LPA: variants seen among roughly 807,000 people sequenced by gnomAD.
The protein encoded by LPA is apolipoprotein(a).
In LPA, 199 loss-of-function variants were observed where a neutral mutation model predicts 197.9. The ratio of observed to expected loss-of-function variants is 1.01; its 90% CI spans 0.90 to 1.13. LPA has a LOEUF of 1.13. Ranked by LOEUF, LPA falls within the 50% of genes most tolerant of loss-of-function variation. The probability of loss-of-function intolerance (pLI) is 0.00; values close to 1 mark genes in which losing one functional copy is unlikely to be tolerated. For synonymous variants in LPA, 715 were observed against 639.5 expected, an observed-to-expected ratio of 1.12 and a Z score of -1.78; for missense variants, 1,853 against 1,785.8, an observed-to-expected ratio of 1.04 and a Z score of -0.68.
chr6:160,585,135 G>C lies in LPA; in HGVS notation c.4200C>G (p.Leu1400=), dbSNP rs1411187747. 6.2e-7 allele frequency: 1 copy of C among 1,613,882 alleles called. No individual in the cohort carries two copies. ...ATGTTCTTCCTGTGATAGTGGTGGA[G>C]AGTGTGCCTCGATAACTCTGTCCAT... ...RGDGQSYRGT[L]STTITGRTCQ... The change falls in exon 26 of 39, where the codon CTC becomes CTG. Residue 1400 remains leucine, a synonymous_variant. Transcript: ENST00000316300.
chr6:160,634,663 A>G (rs1407637061), intron 7 of LPA, among the ~76,000 whole-genome samples: 1 of 151,524 alleles, frequency 6.6e-6, no homozygotes, highest in Non-Finnish European at 1.5e-5. Flanking sequence ...ACCCAGGACC[A>G]TATGGAATTA....
intron 16 of LPA, among the ~76,000 whole-genome samples, chr6:160,610,428 T>C (rs770168576): frequency 6.6e-6 from 1 of 152,128 alleles, no homozygotes; most frequent in Non-Finnish European, 1.5e-5. Flanking sequence ...TGGCAATGTG[T>C]TCCGTGAGCA....
chr6:160,589,360 A>G (rs1013849452), intron 24 of LPA, among the ~76,000 whole-genome samples, 193 bp downstream of exon 24: 6 of 152,200 alleles, frequency 3.9e-5, no homozygotes, highest in African/African-American at 1.4e-4. Context: ...TCTATCAACT[A>G]TGAGAAAAGA....
chr6:160,611,071 T>C (rs535253475), intron 16 of LPA, among the ~76,000 whole-genome samples: 2 of 152,090 alleles, frequency 1.3e-5, no homozygotes, highest in Admixed American at 6.5e-5. Flanking sequence ...AGGCCACTGG[T>C]ACTTAGGACC....
At chr6:160,634,436 C>A (rs1057032783) in intron 7 of LPA, among the ~76,000 whole-genome samples, 1 of 122,922 alleles carries the variant, frequency 8.1e-6, no homozygotes. Context: ...AGGATGTGTG[C>A]ACGCCAAAAC....
intron 28 of LPA, among the ~76,000 whole-genome samples, chr6:160,562,341 A>G (rs1489043771): frequency 6.6e-6 from 1 of 152,138 alleles, no homozygotes; most frequent in Non-Finnish European, 1.5e-5. Context: ...GGTTTTTGTC[A>G]TTGGTTCTGT....
chr6:160,580,437 A>G (rs1018669616), intron 26 of LPA, among the ~76,000 whole-genome samples: 1 of 152,196 alleles, frequency 6.6e-6, no homozygotes, highest in African/African-American at 2.4e-5. Flanking sequence ...ATAGAATTAC[A>G]GGTTTGTAGG....
Position 160,600,868 on chromosome 6 carries a change from C to G in LPA, c.3127+49G>C, listed in dbSNP as rs1163054473. On this transcript the variant is annotated intron_variant, in intron 19 of 38. Coordinates refer to ENST00000316300, the MANE Select transcript of LPA (RefSeq NM_005577.4). ...TGTGCGTCAGTGGGGGTATCCATGG[C>G]TTTTCATCCCAGCATCCAAGCAGGT... 2.5e-6 allele frequency: 4 copies of G among 1,599,234 alleles called. No individual in the cohort carries two copies. The Admixed American group carries it at 6.7e-5, about 27-fold the overall frequency.
At chr6:160,658,669 C>T (rs956082234) in intron 1 of LPA, among the ~76,000 whole-genome samples, 1 of 152,108 alleles carries the variant, frequency 6.6e-6, no homozygotes, top group Non-Finnish European at 1.5e-5. Flanking sequence ...CTAAACAATT[C>T]AGGCCAAGTA....
chr6:160,568,527 A>G (rs181877520), intron 28 of LPA, among the ~76,000 whole-genome samples: 1,651 of 152,332 alleles, frequency 0.011, 33 homozygotes, highest in African/African-American at 0.038. Flanking sequence ...CATAGCCAAT[A>G]TCATACTGAA....
intron 36 of LPA, among the ~76,000 whole-genome samples, chr6:160,538,832 C>T (rs185730071): frequency 1.1e-4 from 17 of 152,266 alleles, no homozygotes; most frequent in African/African-American, 4.1e-4. Context: ...CAAAACGTAT[C>T]AGCCTATCAG....
At chr6:160,655,202 A>G (rs558060515) in intron 1 of LPA, among the ~76,000 whole-genome samples, 1 of 152,340 alleles carries the variant, frequency 6.6e-6, no homozygotes, top group South Asian at 2.1e-4. Context: ...ACGTTCAGTT[A>G]CCACCAAAGC....
intron 16 of LPA, among the ~76,000 whole-genome samples, chr6:160,610,105 C>T (rs1779458305): frequency 1.3e-5 from 2 of 152,038 alleles, no homozygotes; most frequent in Admixed American, 6.5e-5. Flanking sequence ...TTATCGATGT[C>T]ATTTCTGAGC....
At chr6:160,545,829 G>C (rs553515220) in intron 32 of LPA, among the ~76,000 whole-genome samples, 16 of 152,242 alleles carry the variant, frequency 1.1e-4, no homozygotes, top group African/African-American at 3.6e-4. Flanking sequence ...CTTAGAGCTA[G>C]AGCCTCAGAG....
intron 1 of LPA, among the ~76,000 whole-genome samples, chr6:160,662,702 T>C (rs1428013775): frequency 6.6e-6 from 1 of 152,240 alleles, no homozygotes; most frequent in Non-Finnish European, 1.5e-5. Flanking sequence ...ACTCTTTGCT[T>C]AATCTTCTCC....
At chr6:160,579,761 C>T (rs1778755374) in intron 26 of LPA, among the ~76,000 whole-genome samples, 1 of 152,188 alleles carries the variant, frequency 6.6e-6, no homozygotes, top group South Asian at 2.1e-4. Context: ...AGAGACTCTA[C>T]ACATGTGACC....
chr6:160,546,177 T>C (rs890061623), intron 32 of LPA, among the ~76,000 whole-genome samples: 3 of 152,006 alleles, frequency 2.0e-5, no homozygotes, highest in Non-Finnish European at 4.4e-5. Context: ...GACTTGAGGG[T>C]TGGAACTGTT....
chr6:160,593,194 G>T (rs1404975246), intron 22 of LPA, among the ~76,000 whole-genome samples: 1 of 152,112 alleles, frequency 6.6e-6, no homozygotes, highest in Non-Finnish European at 1.5e-5. Flanking sequence ...GGCTCCATCT[G>T]CTTGCCCTTC....
At chr6:160,550,546 G>T (rs1279965179) in intron 30 of LPA, among the ~76,000 whole-genome samples, 1 of 152,194 alleles carries the variant, frequency 6.6e-6, no homozygotes, top group South Asian at 2.1e-4. Flanking sequence ...ATATTTTCAT[G>T]TATAGTCAAA....
Sources: gnomAD v4.1 joint callset for allele counts (sites outside exome capture counted in the v4.1 genomes callset) on GRCh38, gnomAD v4.1.1 for gene constraint, MANE v1.5 for transcripts, NCBI Gene and HGNC (gene_info 2026-07-23, HGNC 2026-07-21) for gene names.